Variants in GBP5 observed in about 807,000 individuals in gnomAD.
The protein encoded by GBP5 is guanylate binding protein 5.
In GBP5, 48 loss-of-function variants were observed where a neutral mutation model predicts 58.2. That is an observed-to-expected ratio of 0.83 (90% confidence interval 0.65 to 1.05). The LOEUF is 1.05. Ranked by LOEUF, GBP5 falls within the 50% of genes least tolerant of loss-of-function variation. GBP5 has a pLI of 0.00. For synonymous variants in GBP5, 248 were observed against 251.8 expected (o/e 0.98, Z 0.14); for missense variants, 714 against 686.8 (o/e 1.04, Z -0.44).
In GBP5 at chr1:89,264,895, C is replaced by A. The variant is rs140064350; in HGVS notation, c.940G>T (p.Val314Phe). The A allele has an allele frequency of 6.3e-5, 101 of 1,614,114 alleles. No individual in the cohort carries two copies. Among genetic ancestry groups the A allele is most frequent in the Admixed American group, 8.3e-5 (5 of 60,008 alleles). The change falls in exon 8 of 12, where the codon GTC (valine) becomes TTC (phenylalanine). Residue 314 changes from valine to phenylalanine, a missense_variant. Physicochemically the swap from Val to Phe is conservative, Grantham distance 50. Transcript: ENST00000370459. Reference sequence around the variant, plus strand: ...TTCTCTCTCTGAGCCAAGGCCAGGACTGCATTCTCTATGCAAGGCAGATCC... The same window carrying A: ...TTCTCTCTCTGAGCCAAGGCCAGGAATGCATTCTCTATGCAAGGCAGATCC... Reference protein sequence around the residue: ...SGDLPCIENAVLALAQRENSA... With the variant: ...SGDLPCIENAFLALAQRENSA...
At chr1:89,268,166 G>A (rs1650299250) in intron 4 of GBP5, among the ~76,000 whole-genome samples, 1 of 152,158 alleles carries the variant, frequency 6.6e-6, no homozygotes, top group African/African-American at 2.4e-5. Flanking sequence ...AATTATGATG[G>A]GAGTATTCAG....
chr1:89,261,099 C>A (rs2100715309), intron 11 of GBP5, among the ~76,000 whole-genome samples: 1 of 152,290 alleles, frequency 6.6e-6, no homozygotes, highest in African/African-American at 2.4e-5. Flanking sequence ...CAATCTTAGT[C>A]ACATCTTGAC....
chr1:89,261,140 CAG>C (rs1649992800), intron 11 of GBP5, among the ~76,000 whole-genome samples: 1 of 152,292 alleles, frequency 6.6e-6, no homozygotes, highest in South Asian at 2.1e-4. Context: ...AGGAGACTCT[CAG>C]ATATATTTCT....
chr1:89,260,961 T>C, intron 11 of GBP5, 144 bp from the exon 12 acceptor site: 1 of 607,962 alleles, frequency 1.6e-6, no homozygotes. Context: ...AACCTATTTC[T>C]GTAATTATTC....
In GBP5 at chr1:89,259,109, G is replaced by A. The variant is rs1649894486; in HGVS notation, c.*1595C>T. ...ACTATAAGCAAGCATTAAATTAAATGCACTCAGATTTTTGGCACATTATAT... is the reference window on the plus strand; with the variant it reads ...ACTATAAGCAAGCATTAAATTAAATACACTCAGATTTTTGGCACATTATAT... On this transcript the variant is annotated 3_prime_UTR_variant, in exon 12 of 12. Coordinates refer to ENST00000370459, the MANE Select transcript of GBP5 (RefSeq NM_052942.5). 1.3e-5 allele frequency: 2 copies of A among 152,142 alleles called. No individual in the cohort carries two copies. Among genetic ancestry groups the A allele is most frequent in the South Asian group, 4.1e-4 (2 of 4,830 alleles). 9.4% of individuals were successfully genotyped at this position (152,142 alleles called of 1,614,324 possible).
rs17436441 is a variant in GBP5, at chr1:89,259,539, G to A, written c.*1165C>T. 1.3e-5 allele frequency: 2 copies of A among 152,094 alleles called. No individual in the cohort carries two copies. Among genetic ancestry groups the A allele is most frequent in the African/African-American group, 2.4e-5 (1 of 41,404 alleles). 9.4% of individuals were successfully genotyped at this position (152,094 alleles called of 1,614,324 possible). On this transcript the variant is annotated 3_prime_UTR_variant, in exon 12 of 12. Coordinates refer to ENST00000370459, the MANE Select transcript of GBP5 (RefSeq NM_052942.5). ...GCATCCAGCACACGACCATTAGCCT[G>A]AGTGATGCCCAACTGAGCCCAGACT...
At chr1:89,261,643 G>A (rs1395157472) in intron 11 of GBP5, among the ~76,000 whole-genome samples, 1 of 152,198 alleles carries the variant, frequency 6.6e-6, no homozygotes. Context: ...GACAGTGACT[G>A]ATAAATAATA....
At chr1:89,262,043 T>C (rs982432718) in intron 11 of GBP5, 177 bp downstream of exon 11, 14 of 609,896 alleles carry the variant, frequency 2.3e-5, no homozygotes, top group African/African-American at 5.6e-5. Flanking sequence ...ACAGAGGTGA[T>C]AGATAACTTG....
chr1:89,267,383 G>T, intron 5 of GBP5, 34 bp downstream of exon 5: 1 of 1,444,150 alleles, frequency 6.9e-7, no homozygotes, highest in Non-Finnish European at 9.8e-7. Flanking sequence ...AGTTCTGTCG[G>T]ACTTTGGTGC....
intron 3 of GBP5, among the ~76,000 whole-genome samples, chr1:89,269,112 G>T (rs758746970): frequency 3.3e-5 from 5 of 151,836 alleles, no homozygotes; most frequent in Non-Finnish European, 4.4e-5. Flanking sequence ...CTTCATTGAT[G>T]TCTTACTCCT....
rs1650054607 is a variant in GBP5, at chr1:89,262,668, C to A, written c.1465+15G>T. 2.0e-6 allele frequency: 3 copies of A among 1,530,410 alleles called. No individual in the cohort carries two copies. The African/African-American group carries it at 4.1e-5, about 21-fold the overall frequency. 94.8% of individuals were successfully genotyped at this position (1,530,410 alleles called of 1,614,324 possible). ...GATTTCTTTCTATCTTGCATAATTT[C>A]CACTTTCTTCTCACCTTTCTTCTTT... is the stretch of plus-strand genomic sequence containing the variant. On this transcript the variant is annotated intron_variant, in intron 10 of 11. Transcript: ENST00000370459.
chr1:89,257,149 A>T lies in GBP5; in HGVS notation c.*3555T>A, dbSNP rs1649813450. Among the ~76,000 whole-genome samples, 4 of 152,320 alleles carry T rather than the reference A, an allele frequency of 2.6e-5. No homozygotes were observed. The South Asian group carries it at 6.2e-4, about 24-fold the overall frequency. On this transcript the variant is annotated 3_prime_UTR_variant, in exon 12 of 12. Coordinates refer to ENST00000370459, the MANE Select transcript of GBP5 (RefSeq NM_052942.5). ...AAATACTCAAGACTGGGTAATTTAT[A>T]AAGGAAAAGAGATGTAATGGACTTG...
Position 89,262,696 on chromosome 1 carries a change from T to G in GBP5, c.1452A>C (p.Glu484Asp). The change falls in exon 10 of 12, where the codon GAA (glutamate) becomes GAC (aspartate). Residue 484 changes from glutamate to aspartate, a missense_variant. By Grantham distance (45) the Glu-to-Asp change is conservative. Transcript: ENST00000370459. ...LQTDQALTET[E>D]KKKKEAQVKA... ...CTTTCTTCTCACCTTTCTTCTTTTT[T>G]TCCGTCTCTGTGAGAGCCTGGTCAG... 6.2e-7 allele frequency: 1 copy of G among 1,601,522 alleles called. No homozygotes were observed.
intron 7 of GBP5, among the ~76,000 whole-genome samples, chr1:89,265,448 A>G (rs761139417): frequency 6.6e-6 from 1 of 151,688 alleles, no homozygotes; most frequent in Non-Finnish European, 1.5e-5. Context: ...TAGTTAAGCT[A>G]GTATGAGCGC....
chr1:89,264,588 C>T (rs1650132970), intron 8 of GBP5, 98 bp downstream of exon 8: 3 of 1,021,212 alleles, frequency 2.9e-6, no homozygotes, highest in Non-Finnish European at 4.4e-6. Context: ...ATTTTCCAAT[C>T]TAGTATTTTT....
Position 89,260,487 on chromosome 1 carries a change from A to G in GBP5, c.*217T>C, listed in dbSNP as rs1336166685. ...ATACAATGTCCCTTATACAATTTAT[A>G]ATCTCTTAAAGGAAGCAATAAACAT... is the stretch of plus-strand genomic sequence containing the variant. On this transcript the variant is annotated 3_prime_UTR_variant, in exon 12 of 12. Transcript: ENST00000370459. 3 of 445,828 alleles carry G rather than the reference A, an allele frequency of 6.7e-6. No individual in the cohort carries two copies. Among genetic ancestry groups the G allele is most frequent in the African/African-American group, 5.9e-5 (3 of 50,818 alleles). 27.6% of individuals were successfully genotyped at this position (445,828 alleles called of 1,614,324 possible). A position where few individuals can be genotyped will look rare whatever the true frequency, so the allele number is the denominator to read the frequency against.
intron 8 of GBP5, 128 bp from the exon 9 acceptor site, chr1:89,264,076 T>C (rs185208829): frequency 1.4e-5 from 9 of 622,154 alleles, no homozygotes; most frequent in Admixed American, 1.2e-4. Context: ...CAAGACTATA[T>C]CCTTCCCACC....
At position 89,266,443 on chromosome 1, in the gene GBP5, C is replaced by T. The variant is rs1172458376; in HGVS notation, c.771G>A (p.Glu257=). 6.2e-7 allele frequency: 1 copy of T among 1,614,144 alleles called. No homozygotes were observed. Among genetic ancestry groups the T allele is most frequent in the East Asian group, 2.2e-5 (1 of 44,868 alleles). The change falls in exon 7 of 12, where the codon GAG becomes GAA. Residue 257 remains glutamate (E), a synonymous_variant. Coordinates refer to ENST00000370459, the MANE Select transcript of GBP5 (RefSeq NM_052942.5). ...CTGTCACTTGTTGCACAAATTCAGG[C>T]TCTAGCTCATCATCAGGCAGTGTTT... ...QLETLPDDEL[E]PEFVQQVTEF...
rs547236323 is a variant in GBP5 at position 89,264,308 on chromosome 1, C to A, written c.1150-360G>T. Among the ~76,000 whole-genome samples, 7 of 152,236 alleles carry A rather than the reference C, an allele frequency of 4.6e-5. No homozygotes were observed. The East Asian group carries it at 1.4e-3, about 29-fold the overall frequency. On this transcript the variant is annotated intron_variant, in intron 8 of 11. Coordinates refer to ENST00000370459, the MANE Select transcript of GBP5 (RefSeq NM_052942.5). ...ATAAAGTTCGAAGCAGAATAGTTGGCTGGAATGATACCAACTTATTCTATT... is the reference window on the plus strand; with the variant it reads ...ATAAAGTTCGAAGCAGAATAGTTGGATGGAATGATACCAACTTATTCTATT...
Sources: gnomAD v4.1 joint callset for allele counts (sites outside exome capture counted in the v4.1 genomes callset) on GRCh38, gnomAD v4.1.1 for gene constraint, MANE v1.5 for transcripts, NCBI Gene and HGNC (gene_info 2026-07-23, HGNC 2026-07-21) for gene names.